Variants in RUFY1 observed in about 807,000 individuals in gnomAD.
RUFY1 encodes RUN and FYVE domain containing 1, also known as RUN and FYVE domain-containing protein 1.
Under a neutral mutation model 94.6 loss-of-function variants are expected in RUFY1, and 54 were observed. The ratio of observed to expected loss-of-function variants is 0.57; its 90% confidence interval spans 0.46 to 0.72. RUFY1 has a LOEUF of 0.72. Among genes scored for constraint, RUFY1 ranks in the 30% least tolerant of loss-of-function variants. RUFY1 has a pLI of 0.00. For synonymous variants in RUFY1, 396 were observed against 347.3 expected, an observed-to-expected ratio of 1.14 and a Z score of -1.56; for missense variants, 883 against 883.9, an observed-to-expected ratio of 1.00 and a Z score of 0.01.
At chr5:179,585,714 G>A in intron 7 of RUFY1, 82 bp from the exon 8 acceptor site, 1 of 998,382 alleles carries the variant, frequency 1.0e-6, no homozygotes, top group South Asian at 1.4e-5. Context: ...GGAAATCTAG[G>A]AATCTCTCTT....
chr5:179,569,197 T>TCTTTATA, intron 4 of RUFY1, 105 bp from the exon 5 acceptor site: 1 of 1,587,352 alleles, frequency 6.3e-7, no homozygotes, highest in East Asian at 2.3e-5. Context: ...CACAGCAGTA[T>TCTTTATA]CTTCTGGCTC....
chr5:179,593,575 C>T lies in RUFY1; in HGVS notation c.1343C>T (p.Thr448Ile), dbSNP rs1765282599. Residue 448 changes from threonine to isoleucine, a missense_variant, in exon 11 of 18, where the codon ACA (threonine) becomes ATA (isoleucine). Thr to Ile is a moderately conservative substitution (Grantham distance 89). Coordinates refer to ENST00000319449, the MANE Select transcript of RUFY1 (RefSeq NM_025158.5). ...LEKDTHEKQD[T>I]LVALRQQLEE... The stretch of plus-strand genomic sequence containing the variant: ...AAGGACACCCACGAGAAGCAGGACA[C>T]ACTAGTTGCCCTCCGCCAGCAGCTG... The T allele has an allele frequency of 1.2e-6, 2 of 1,614,158 alleles. No individual in the cohort carries two copies. The highest frequency in any genetic ancestry group is 1.6e-4 in the Middle Eastern group (1 of 6,062).
chr5:179,609,228 C>T (rs1371972084), intron 17 of RUFY1, 148 bp from the exon 18 acceptor site: 45 of 552,876 alleles, frequency 8.1e-5, no homozygotes, highest in African/African-American at 1.1e-4. Flanking sequence ...AAAAAAAAGA[C>T]CCTTGTTTGC....
chr5:179,594,760 CAAAAAAAAAAAAAAA>C (rs57540208), intron 11 of RUFY1, 91 bp from the exon 12 acceptor site: 1 of 332,334 alleles, frequency 3.0e-6, no homozygotes, highest in Non-Finnish European at 5.0e-6. Context: ...GACTCTGTCT[CAAAAAAAAAAAAAAA>C]AAAAAAAAGC....
Position 179,609,998 on chromosome 5 carries a change from A to G in RUFY1, c.*479A>G, listed in dbSNP as rs958485108. Reference sequence around the variant, plus strand: ...TACCTATCATTGGCCCTGCAATAAAATCATTTATTTTTCACTCTGGTGCGT... The same window carrying G: ...TACCTATCATTGGCCCTGCAATAAAGTCATTTATTTTTCACTCTGGTGCGT... On this transcript the variant is annotated 3_prime_UTR_variant, in exon 18 of 18. Coordinates refer to ENST00000319449, the MANE Select transcript of RUFY1 (RefSeq NM_025158.5). 2.0e-5 allele frequency: 3 copies of G among 153,432 alleles called. No individual in the cohort carries two copies. Among genetic ancestry groups the G allele is most frequent in the Admixed American group, 6.5e-5 (1 of 15,312 alleles). 9.5% of individuals were successfully genotyped at this position (153,432 alleles called of 1,614,324 possible). A position where few individuals can be genotyped will look rare whatever the true frequency, so the allele number is the denominator to read the frequency against.
chr5:179,592,202 G>T (rs979449591), intron 10 of RUFY1, among the ~76,000 whole-genome samples: 1 of 150,196 alleles, frequency 6.7e-6, no homozygotes, highest in Non-Finnish European at 1.5e-5. Context: ...TCACTGCAAC[G>T]TCTGCCTCCC....
intron 5 of RUFY1, among the ~76,000 whole-genome samples, chr5:179,574,816 C>G (rs891299668): frequency 6.6e-6 from 1 of 152,122 alleles, no homozygotes; most frequent in Non-Finnish European, 1.5e-5. Flanking sequence ...TCTTATTTAT[C>G]AATTCTACTT....
In RUFY1 at chr5:179,580,949, A is replaced by G; in HGVS notation, c.893A>G (p.His298Arg). 6.3e-7 allele frequency: 1 copy of G among 1,593,224 alleles called. No individual in the cohort carries two copies. Among genetic ancestry groups the G allele is most frequent in the Non-Finnish European group, 8.6e-7 (1 of 1,164,828 alleles). The change falls in exon 7 of 18, where the codon CAT becomes CGT. Residue 298 changes from histidine (H) to arginine (R), a missense_variant and splice_region_variant. By Grantham distance (29) the His-to-Arg change is conservative (BLOSUM62 0). Transcript: ENST00000319449. ...DVQDLDGGKE[H>R]ERITDVLDQK... Reference sequence around the variant, plus strand: ...CCTTCTTATGCTCCTTTTAAAAGGCATGAAAGAATTACTGATGTCCTTGAT... The same window carrying G: ...CCTTCTTATGCTCCTTTTAAAAGGCGTGAAAGAATTACTGATGTCCTTGAT...
At chr5:179,586,063 C>T (rs187767596) in intron 8 of RUFY1, among the ~76,000 whole-genome samples, 198 bp downstream of exon 8, 290 of 152,290 alleles carry the variant, frequency 1.9e-3, no homozygotes, top group African/African-American at 6.7e-3. Flanking sequence ...CAGCGGATCA[C>T]GAGCCAGTTC....
chr5:179,591,351 ATTGT>A (rs1765079771), intron 9 of RUFY1, among the ~76,000 whole-genome samples: 1 of 150,900 alleles, frequency 6.6e-6, no homozygotes, highest in African/African-American at 2.4e-5. Flanking sequence ...CGCCCAGCTA[ATTGT>A]TTGTGTTTTT....
At chr5:179,590,305 G>C (rs1297067512) in intron 9 of RUFY1, among the ~76,000 whole-genome samples, 1 of 150,548 alleles carries the variant, frequency 6.6e-6, no homozygotes, top group Non-Finnish European at 1.5e-5. Context: ...AGTGAGCTGA[G>C]ATCGCGCCAC....
intron 13 of RUFY1, chr5:179,598,385 T>G: frequency 3.1e-6 from 1 of 318,074 alleles, no homozygotes; most frequent in Non-Finnish European, 5.8e-6. Context: ...GAACGAATTT[T>G]GAGCTTCCTT....
In RUFY1 at chr5:179,598,770, C is replaced by T. The variant is rs776447554; in HGVS notation, c.1710C>T (p.Asp570=). Reference sequence around the variant, plus strand: ...AGCGCGAATTACAGCACGAGAAAGACACTTCCTCTCTACTCAGGATGGAGC... The same window carrying T: ...AGCGCGAATTACAGCACGAGAAAGATACTTCCTCTCTACTCAGGATGGAGC... ...ALQRELQHEK[D]TSSLLRMELQ... Residue 570 remains aspartate, a synonymous_variant, in exon 14 of 18, where the codon GAC becomes GAT. Coordinates refer to ENST00000319449, the MANE Select transcript of RUFY1 (RefSeq NM_025158.5). 1 of 1,614,128 alleles carries T rather than the reference C, an allele frequency of 6.2e-7. No individual in the cohort carries two copies. The highest frequency in any genetic ancestry group is 8.5e-7 in the Non-Finnish European group (1 of 1,179,978).
intron 17 of RUFY1, chr5:179,608,530 C>G (rs1230757403): frequency 1.0e-6 from 1 of 985,378 alleles, no homozygotes; most frequent in African/African-American, 1.7e-5. Flanking sequence ...TACTCCACCC[C>G]CTTGGAATGC....
At chr5:179,575,109 G>C (rs575631825) in intron 5 of RUFY1, among the ~76,000 whole-genome samples, 2 of 147,200 alleles carry the variant, frequency 1.4e-5, no homozygotes, top group South Asian at 4.3e-4. Context: ...TTTTCTAGAA[G>C]CTTTTCTACT....
chr5:179,559,813 T>C (rs1762298431), intron 1 of RUFY1: 3 of 1,324,042 alleles, frequency 2.3e-6, no homozygotes, highest in Non-Finnish European at 2.9e-6. Context: ...GTGGCTCTTC[T>C]GACCCAAGGC....
rs368765141 is a variant in RUFY1 at position 179,603,366 on chromosome 5, C to T, written c.1856+1380C>T. Among the ~76,000 whole-genome samples the T allele has an allele frequency of 1.6e-3, 246 of 152,286 alleles. 3 individuals carry two copies. The highest frequency in any genetic ancestry group is 5.8e-3 in the African/African-American group (241 of 41,564). On this transcript the variant is annotated intron_variant, in intron 15 of 17. Transcript: ENST00000319449. ...AGGTGCTGGCCACTCGCCGTCTCTC[C>T]TGTGCCTCTTACCTTTCTAGACTAG...
chr5:179,607,428 T>G (rs1012010321), intron 16 of RUFY1, 154 bp from the exon 17 acceptor site: 67 of 675,566 alleles, frequency 9.9e-5, no homozygotes, highest in Admixed American at 4.1e-4. Context: ...AAGAGCCCCT[T>G]GATGACAGTC....
At chr5:179,568,342 G>T (rs767076549) in intron 4 of RUFY1, among the ~76,000 whole-genome samples, 1 of 152,076 alleles carries the variant, frequency 6.6e-6, no homozygotes, top group African/African-American at 2.4e-5. Flanking sequence ...ATTATAAAAG[G>T]AATGTTCTCT....
Sources: allele counts gnomAD v4.1 joint callset (sites outside exome capture counted in the v4.1 genomes callset), GRCh38; gene constraint gnomAD v4.1.1; transcripts MANE v1.5; gene names NCBI Gene and HGNC (gene_info 2026-07-23, HGNC 2026-07-21).